The following EPHA6 variants were observed in gnomAD, a reference collection of about 807,000 sequenced individuals.
EPHA6 encodes EPH receptor A6, also known as ephrin type-A receptor 6.
A neutral mutation model predicts 112.0 loss-of-function variants in EPHA6; 50 were observed. The ratio of observed to expected loss-of-function variants is 0.45; its 90% CI spans 0.36 to 0.56. EPHA6 has a LOEUF of 0.56. EPHA6 is among the 20% of genes least tolerant of loss of function. The pLI, the probability that EPHA6 is intolerant of heterozygous loss-of-function variation, is 0.00. For synonymous variants in EPHA6, 529 were observed against 490.7 expected (o/e 1.08, Z -1.03); for missense variants, 1,280 against 1,417.4 (o/e 0.90, Z 1.56).
intron 3 of EPHA6, among the ~76,000 whole-genome samples, chr3:97,115,351 A>G (rs1367165453): frequency 6.6e-6 from 1 of 151,226 alleles, no homozygotes; most frequent in Non-Finnish European, 1.5e-5. Flanking sequence ...ATGAGATATA[A>G]TTATTACCAG....
chr3:97,121,488 G>T (rs1436077143), intron 3 of EPHA6, among the ~76,000 whole-genome samples: 1 of 152,014 alleles, frequency 6.6e-6, no homozygotes, highest in South Asian at 2.1e-4. Context: ...ATGTCACTTT[G>T]GTGTACACTC....
chr3:96,974,635 T>C (rs2042449928), intron 2 of EPHA6, among the ~76,000 whole-genome samples: 1 of 152,172 alleles, frequency 6.6e-6, no homozygotes, highest in African/African-American at 2.4e-5. Flanking sequence ...ACATCTATTC[T>C]TATGTCCTGG....
intron 7 of EPHA6, among the ~76,000 whole-genome samples, chr3:97,463,501 C>T (rs765237895): frequency 7.2e-5 from 11 of 152,118 alleles, no homozygotes; most frequent in Non-Finnish European, 1.3e-4. Flanking sequence ...ATGTATGTGC[C>T]ATCTCTGCCT....
At chr3:97,741,604 G>C (rs1340521021) in intron 16 of EPHA6, among the ~76,000 whole-genome samples, 1 of 152,012 alleles carries the variant, frequency 6.6e-6, no homozygotes, top group African/African-American at 2.4e-5. Context: ...GACATAAAGA[G>C]GCTAACTTTC....
chr3:97,032,057 A>T (rs1380018857), intron 3 of EPHA6, among the ~76,000 whole-genome samples: 1 of 152,154 alleles, frequency 6.6e-6, no homozygotes, highest in African/African-American at 2.4e-5. Context: ...CAAATGTCCA[A>T]CAATGATAGA....
intron 17 of EPHA6, 24 bp downstream of exon 17, chr3:97,747,596 TG>T (rs1364308608): frequency 6.4e-7 from 1 of 1,558,224 alleles, no homozygotes; most frequent in South Asian, 1.2e-5. Context: ...GGTTTATTAC[TG>T]TAACGAGATG....
At chr3:96,978,695 G>T (rs1162465279) in intron 2 of EPHA6, among the ~76,000 whole-genome samples, 2 of 151,900 alleles carry the variant, frequency 1.3e-5, no homozygotes, top group African/African-American at 2.4e-5. Context: ...CACAAACTCA[G>T]TGTAAAAAAA....
intron 3 of EPHA6, among the ~76,000 whole-genome samples, chr3:97,140,153 GA>G (rs993586710): frequency 6.6e-6 from 1 of 151,232 alleles, no homozygotes; most frequent in Admixed American, 6.6e-5. Flanking sequence ...ATAAAAATTA[GA>G]AAAAAATATA....
intron 14 of EPHA6, among the ~76,000 whole-genome samples, chr3:97,688,734 AG>A (rs1286107689): frequency 1.3e-5 from 2 of 151,924 alleles, no homozygotes; most frequent in Non-Finnish European, 2.9e-5. Flanking sequence ...AAAAAAAAAA[AG>A]AACTAGAAAA....
intron 5 of EPHA6, among the ~76,000 whole-genome samples, chr3:97,347,383 G>C (rs570013061): frequency 6.6e-6 from 1 of 152,012 alleles, no homozygotes; most frequent in Non-Finnish European, 1.5e-5. Flanking sequence ...ACTAGGGTAA[G>C]AACAGTGTTT....
chr3:97,470,992 A>C (rs1371810343), intron 7 of EPHA6, among the ~76,000 whole-genome samples: 2 of 151,674 alleles, frequency 1.3e-5, no homozygotes, highest in Admixed American at 6.6e-5. Context: ...AGTAAACGAT[A>C]CATTTTTCTC....
chr3:97,387,417 C>T (rs758305344), intron 5 of EPHA6, among the ~76,000 whole-genome samples: 7 of 150,656 alleles, frequency 4.6e-5, no homozygotes, highest in Non-Finnish European at 1.0e-4. Flanking sequence ...TCTTCAAATA[C>T]CCCTAAATCA....
intron 7 of EPHA6, among the ~76,000 whole-genome samples, chr3:97,452,112 G>T (rs2090548847): frequency 6.6e-6 from 1 of 151,844 alleles, no homozygotes. Context: ...GGCTACTTGT[G>T]CTATAAACAT....
At chr3:97,252,596 T>A (rs1225570575) in intron 5 of EPHA6, among the ~76,000 whole-genome samples, 3 of 152,080 alleles carry the variant, frequency 2.0e-5, no homozygotes, top group Non-Finnish European at 4.4e-5. Context: ...CCAGGCAGAC[T>A]ATGACAGCAG....
At chr3:97,314,636 A>G (rs2081723939) in intron 5 of EPHA6, among the ~76,000 whole-genome samples, 1 of 151,756 alleles carries the variant, frequency 6.6e-6, no homozygotes, top group South Asian at 2.1e-4. Flanking sequence ...TAACATTTTT[A>G]TAAGCAAGAG....
intron 5 of EPHA6, among the ~76,000 whole-genome samples, chr3:97,313,029 A>G (rs2081633862): frequency 6.6e-6 from 1 of 151,398 alleles, no homozygotes; most frequent in Non-Finnish European, 1.5e-5. Context: ...TCTGTGTGAA[A>G]CTTTGTACCC....
intron 3 of EPHA6, among the ~76,000 whole-genome samples, chr3:97,221,898 T>G (rs1227740856): frequency 6.6e-6 from 1 of 151,710 alleles, no homozygotes; most frequent in Non-Finnish European, 1.5e-5. Context: ...GATATGGTGG[T>G]GGGTGCCTAT....
chr3:96,899,321 AC>A (rs1280278146), intron 2 of EPHA6, among the ~76,000 whole-genome samples: 2 of 152,134 alleles, frequency 1.3e-5, no homozygotes, highest in African/African-American at 4.8e-5. Flanking sequence ...CAGTCATTGG[AC>A]TTGGGGAGTT....
At chr3:97,151,407 AG>A (rs1303330109) in intron 3 of EPHA6, among the ~76,000 whole-genome samples, 1 of 152,164 alleles carries the variant, frequency 6.6e-6, no homozygotes, top group Non-Finnish European at 1.5e-5. Flanking sequence ...TGTGTTTTAC[AG>A]TGCCTTATAC....
Sources: gnomAD v4.1 joint callset for allele counts (sites outside exome capture counted in the v4.1 genomes callset) on GRCh38, gnomAD v4.1.1 for gene constraint, MANE v1.5 for transcripts, NCBI Gene and HGNC (gene_info 2026-07-23, HGNC 2026-07-21) for gene names.